The following PLCXD1 variants were observed in gnomAD, a reference collection of about 807,000 sequenced individuals.
The protein encoded by PLCXD1 is phosphatidylinositol specific phospholipase C X domain containing 1, also known as PI-PLC X domain-containing protein 1.
PLCXD1 carries 45 observed loss-of-function variants against 37.8 expected under a neutral mutation model. The ratio of observed to expected loss-of-function variants is 1.19; its 90% CI spans 0.94 to 1.53. The LOEUF (loss-of-function observed/expected upper bound fraction) is 1.53, where lower values mean the gene tolerates loss of function less well. PLCXD1 is among the 40% of genes most tolerant of loss of function. The probability of loss-of-function intolerance (pLI) is 0.00; values close to 1 mark genes in which losing one functional copy is unlikely to be tolerated. For missense variants in PLCXD1, 539 were observed against 454.7 expected (o/e 1.19, Z -1.69); for synonymous variants, 246 against 206.9 (o/e 1.19, Z -1.62).
At position 300,462 on chromosome X, in the gene PLCXD1, ATG is replaced by A. The variant is rs774233905; in HGVS notation, c.*1143_*1144del. 14,757 of 142,554 alleles carry A rather than the reference ATG, an allele frequency of 0.1. 721 individuals are homozygous for A. Among genetic ancestry groups the A allele is most frequent in the South Asian group, 0.15 (694 of 4,528 alleles). The allele number at this position is 142,554 out of a possible 1,614,324, so 8.8% of individuals were successfully genotyped here. ...TGTATGTATGTTTATACATGTGTAT[ATG>A]TGTGTGTGTGTGTGTATATGTGTGT... On this transcript the variant is annotated 3_prime_UTR_variant, in exon 7 of 7. Transcript: ENST00000381657.
At chrX:288,655 G>C in intron 2 of PLCXD1, 78 bp from the exon 3 acceptor site, 37 of 1,486,014 alleles carry the variant, frequency 2.5e-5, no homozygotes, top group Non-Finnish European at 3.4e-5. Context: ...TGTGCTGTAG[G>C]CGGGCTGTGG....
At position 300,624 on chromosome X, in the gene PLCXD1, ATG is replaced by A. The variant is rs1438687873; in HGVS notation, c.*1291_*1292del. On this transcript the variant is annotated 3_prime_UTR_variant, in exon 7 of 7. Coordinates refer to ENST00000381657, the MANE Select transcript of PLCXD1 (RefSeq NM_018390.4). ...TATGTGTGTATGCGTGTATACGTGT[ATG>A]TATACATGTATATGTGTGTATGCGT... is the stretch of plus-strand genomic sequence containing the variant. 3 of 151,812 alleles carry A rather than the reference ATG, an allele frequency of 2.0e-5. No homozygotes were observed. Among genetic ancestry groups the A allele is most frequent in the Non-Finnish European group, 4.4e-5 (3 of 67,944 alleles). 9.4% of individuals were successfully genotyped at this position (151,812 alleles called of 1,614,324 possible).
rs932381481 is a variant in PLCXD1 at position 300,063 on chromosome X, A to G, written c.*728A>G. 3 of 152,546 alleles carry G rather than the reference A, an allele frequency of 2.0e-5. No individual in the cohort carries two copies. Among genetic ancestry groups the G allele is most frequent in the African/African-American group, 7.3e-5 (3 of 41,332 alleles). The allele number at this position is 152,546 out of a possible 1,614,324, so 9.4% of individuals were successfully genotyped here. On this transcript the variant is annotated 3_prime_UTR_variant, in exon 7 of 7. Transcript: ENST00000381657. Reference sequence around the variant, plus strand: ...GCGAGACTCCATCTCAAAAAAAAAAAAAAAAAAAAAGATGGGGTCTCTCTA... The same window carrying G: ...GCGAGACTCCATCTCAAAAAAAAAAGAAAAAAAAAAGATGGGGTCTCTCTA...
intron 6 of PLCXD1, among the ~76,000 whole-genome samples, chrX:294,343 GTGGTGGCGGGCGCC>G (rs2069735290): frequency 6.6e-6 from 1 of 152,086 alleles, no homozygotes; most frequent in Non-Finnish European, 1.5e-5. Context: ...TTAGCCGGGC[GTGGTGGCGGGCGCC>G]TGTAATCCCA....
chrX:291,658 A>G lies in PLCXD1; in HGVS notation c.549+4A>G. Reference sequence around the variant, plus strand: ...GGACATGCTGTGTCCTCGTGGGGTGAGGAGGGGAAGGATATCCGCACGTCT... The same window carrying G: ...GGACATGCTGTGTCCTCGTGGGGTGGGGAGGGGAAGGATATCCGCACGTCT... On this transcript the variant is annotated splice_donor_region_variant and intron_variant, in intron 5 of 6. Coordinates refer to ENST00000381657, the MANE Select transcript of PLCXD1 (RefSeq NM_018390.4). 6.2e-7 allele frequency: 1 copy of G among 1,612,150 alleles called. No homozygotes were observed. Among genetic ancestry groups the G allele is most frequent in the Non-Finnish European group, 8.5e-7 (1 of 1,179,678 alleles).
intron 4 of PLCXD1, among the ~76,000 whole-genome samples, 190 bp downstream of exon 4, chrX:290,966 C>T (rs1305541684): frequency 2.1e-5 from 3 of 140,556 alleles, no homozygotes; most frequent in African/African-American, 8.0e-5. Context: ...GGTGCAGGTG[C>T]GGCCGGGCTG....
upstream of PLCXD1, among the ~76,000 whole-genome samples, chrX:280,125 C>G (rs62580072): frequency 0.44 from 67,242 of 151,942 alleles, 15,227 homozygotes; most frequent in East Asian, 0.62. Flanking sequence ...TTGAAGTGCT[C>G]GAATTACAGG....
chrX:299,268 A>T lies in PLCXD1; in HGVS notation c.905A>T (p.Asp302Val). 1 of 1,613,698 alleles carries T rather than the reference A, an allele frequency of 6.2e-7. No individual in the cohort carries two copies. Among genetic ancestry groups the T allele is most frequent in the South Asian group, 1.1e-5 (1 of 91,060 alleles). The stretch of plus-strand genomic sequence containing the variant: ...CGGTGCACCAACATCATCGCGGGGG[A>T]CTTCATCGGCGCAGACGGCTTCGTC... ...GSRCTNIIAGDFIGADGFVSD... is the reference protein window; with the variant it reads ...GSRCTNIIAGVFIGADGFVSD... Residue 302 changes from aspartate to valine, a missense_variant, in exon 7 of 7, where the codon GAC becomes GTC. Coordinates refer to ENST00000381657, the MANE Select transcript of PLCXD1 (RefSeq NM_018390.4).
intron 6 of PLCXD1, among the ~76,000 whole-genome samples, chrX:294,128 G>C (rs1203425826): frequency 6.6e-6 from 1 of 152,072 alleles, no homozygotes; most frequent in Non-Finnish European, 1.5e-5. Context: ...CCTGAGGTCA[G>C]GAGTTTGGAG....
At chrX:291,847 T>A (rs2069646422) in intron 5 of PLCXD1, among the ~76,000 whole-genome samples, 193 bp downstream of exon 5, 1 of 152,076 alleles carries the variant, frequency 6.6e-6, no homozygotes. Flanking sequence ...CCTGGTGAGA[T>A]CTGCTTCCCT....
chrX:295,423 A>G (rs2069772589), intron 6 of PLCXD1, among the ~76,000 whole-genome samples: 1 of 151,864 alleles, frequency 6.6e-6, no homozygotes, highest in Non-Finnish European at 1.5e-5. Context: ...TGCTTCCCAC[A>G]GGGGCAGCAT....
chrX:289,428 C>T (rs3936200), intron 3 of PLCXD1, among the ~76,000 whole-genome samples: 59,768 of 151,224 alleles, frequency 0.4, 13,462 homozygotes, highest in East Asian at 0.56. Context: ...CCGTGAGCAT[C>T]GCAGGCCTCC....
chrX:278,128 G>A (rs1488498177), upstream of PLCXD1, among the ~76,000 whole-genome samples: 3 of 130,970 alleles, frequency 2.3e-5, 1 homozygote, highest in Non-Finnish European at 4.9e-5. Context: ...GTGGGGACAG[G>A]AGTGGACACC....
chrX:291,478 G>A, intron 4 of PLCXD1, 21 bp from the exon 5 acceptor site: 1 of 1,611,790 alleles, frequency 6.2e-7, no homozygotes. Context: ...GCAGGACTCA[G>A]CCCAGCACCC....
At position 299,192 on chromosome X, in the gene PLCXD1, C is replaced by G. The variant is rs778598937; in HGVS notation, c.829C>G (p.Leu277Val). ...ESLEKMTLPN[L>V]PRLSAWVREQ... ...CCTGGAGAAGATGACGCTGCCCAACCTTCCGCGGCTGAGCGCGTGGGTCCG... is the reference window on the plus strand; with the variant it reads ...CCTGGAGAAGATGACGCTGCCCAACGTTCCGCGGCTGAGCGCGTGGGTCCG... The change falls in exon 7 of 7, where the codon CTT becomes GTT. Residue 277 changes from leucine to valine, a missense_variant. Transcript: ENST00000381657. The G allele has an allele frequency of 4.3e-6, 7 of 1,613,810 alleles. No homozygotes were observed. The highest frequency in any genetic ancestry group is 5.1e-6 in the Non-Finnish European group (6 of 1,179,854).
At position 299,097 on chromosome X, in the gene PLCXD1, G is replaced by A; in HGVS notation, c.734G>A (p.Gly245Glu). 6.2e-7 allele frequency: 1 copy of A among 1,612,120 alleles called. No homozygotes were observed. Among genetic ancestry groups the A allele is most frequent in the South Asian group, 1.1e-5 (1 of 91,032 alleles). The change falls in exon 7 of 7, where the codon GGA becomes GAA. Residue 245 changes from glycine to glutamate, a missense_variant and splice_region_variant. Physicochemically the swap from Gly to Glu is moderately conservative, Grantham distance 98. Coordinates refer to ENST00000381657, the MANE Select transcript of PLCXD1 (RefSeq NM_018390.4). ...CCTCTCCCCACCCTCACCGTTGCAG[G>A]AGGGTTGTTCGTGGCCGGCATCAAC... ...LETMKSCGRP[G>E]GLFVAGINLT...
intron 6 of PLCXD1, among the ~76,000 whole-genome samples, chrX:296,972 T>C (rs868727776): frequency 3.3e-4 from 17 of 52,264 alleles, no homozygotes; most frequent in African/African-American, 7.8e-4. Context: ...GGGACATTAT[T>C]CTGTCTATCA....
At chrX:284,489 C>G (rs1484590534) in intron 2 of PLCXD1, among the ~76,000 whole-genome samples, 175 bp downstream of exon 2, 2 of 152,172 alleles carry the variant, frequency 1.3e-5, no homozygotes, top group African/African-American at 2.4e-5. Flanking sequence ...ACAGTGCACA[C>G]GTGTGTGCAT....
In PLCXD1 at chrX:299,586, C is replaced by G; in HGVS notation, c.*251C>G. On this transcript the variant is annotated 3_prime_UTR_variant, in exon 7 of 7. Coordinates refer to ENST00000381657, the MANE Select transcript of PLCXD1 (RefSeq NM_018390.4). ...CAGCCTGACCAACATGGTGAAATCCCATCTCTACTAAAAATACAAAACTTA... is the reference window on the plus strand; with the variant it reads ...CAGCCTGACCAACATGGTGAAATCCGATCTCTACTAAAAATACAAAACTTA... 1 of 572,634 alleles carries G rather than the reference C, an allele frequency of 1.7e-6. No homozygotes were observed. Among genetic ancestry groups the G allele is most frequent in the South Asian group, 2.1e-5 (1 of 47,268 alleles). 35.5% of individuals were successfully genotyped at this position (572,634 alleles called of 1,614,324 possible). A position where few individuals can be genotyped will look rare whatever the true frequency, so the allele number is the denominator to read the frequency against.
Sources: gnomAD v4.1 joint callset for allele counts (sites outside exome capture counted in the v4.1 genomes callset) on GRCh38, gnomAD v4.1.1 for gene constraint, MANE v1.5 for transcripts, NCBI Gene and HGNC (gene_info 2026-07-23, HGNC 2026-07-21) for gene names.